The following EFCAB14 variants were observed in gnomAD, a reference collection of about 807,000 sequenced individuals.
EFCAB14 encodes EF-hand calcium-binding domain-containing protein 14.
A neutral mutation model predicts 56.5 loss-of-function variants in EFCAB14; 43 were observed. The observed-to-expected ratio is 0.76, with a 90% CI of 0.60 to 0.98. The LOEUF (loss-of-function observed/expected upper bound fraction) is 0.98. Ranked by LOEUF, EFCAB14 falls within the 50% of genes least tolerant of loss-of-function variation. The probability of loss-of-function intolerance (pLI) is 0.00; values close to 1 mark genes in which losing one functional copy is unlikely to be tolerated. For missense variants in EFCAB14, 538 were observed against 580.3 expected, an observed-to-expected ratio of 0.93 and a Z score of 0.75; for synonymous variants, 235 against 212.9, an observed-to-expected ratio of 1.10 and a Z score of -0.90.
chr1:46,680,964 T>C (rs141817397), intron 10 of EFCAB14, among the ~76,000 whole-genome samples: 2 of 151,618 alleles, frequency 1.3e-5, no homozygotes, highest in East Asian at 2.0e-4. Flanking sequence ...AGGTCAGTTA[T>C]ATACATAACT....
At chr1:46,684,703 C>T (rs1378436506) in intron 8 of EFCAB14, 101 bp from the exon 9 acceptor site, 7 of 892,862 alleles carry the variant, frequency 7.8e-6, no homozygotes, top group Non-Finnish European at 1.3e-5. Context: ...GTGTTTGACC[C>T]TCAGTAGGTT....
intron 2 of EFCAB14, among the ~76,000 whole-genome samples, chr1:46,714,199 T>C (rs1225671099): frequency 3.3e-5 from 5 of 152,194 alleles, no homozygotes; most frequent in Non-Finnish European, 7.3e-5. Context: ...TGCAATCTTC[T>C]AGGCTTCAGA....
intron 3 of EFCAB14, among the ~76,000 whole-genome samples, chr1:46,701,269 C>T (rs1245497996): frequency 1.3e-5 from 2 of 152,152 alleles, no homozygotes; most frequent in Non-Finnish European, 2.9e-5. Flanking sequence ...GTAACATGCC[C>T]AATCATAAAA....
intron 5 of EFCAB14, among the ~76,000 whole-genome samples, chr1:46,690,750 C>T (rs1469524233): frequency 6.6e-6 from 1 of 152,116 alleles, no homozygotes; most frequent in Admixed American, 6.5e-5. Context: ...ATGTTTTTTC[C>T]TCTGGGTTAG....
intron 4 of EFCAB14, among the ~76,000 whole-genome samples, chr1:46,693,141 G>A (rs1383200153): frequency 1.3e-5 from 2 of 152,162 alleles, no homozygotes; most frequent in Non-Finnish European, 2.9e-5. Context: ...GGCTTACTTT[G>A]CTTTCATTAG....
chr1:46,712,064 A>G (rs1022454435), intron 2 of EFCAB14, among the ~76,000 whole-genome samples: 1 of 152,252 alleles, frequency 6.6e-6, no homozygotes, highest in Non-Finnish European at 1.5e-5. Flanking sequence ...CCCAGAAAGA[A>G]TAAGTGACTT....
intron 3 of EFCAB14, among the ~76,000 whole-genome samples, chr1:46,697,840 CTT>C: frequency 7.2e-6 from 1 of 138,618 alleles, no homozygotes; most frequent in African/African-American, 2.6e-5. Context: ...GAATTTTTTC[CTT>C]TCTCTCTCTC....
At chr1:46,678,766 G>T in intron 10 of EFCAB14, 130 bp from the exon 11 acceptor site, 11 of 580,584 alleles carry the variant, frequency 1.9e-5, no homozygotes, top group Non-Finnish European at 2.0e-5. Context: ...AAATGGTAAA[G>T]TTTAGGATTT....
rs781478601 is a variant in EFCAB14, at chr1:46,708,768, G to T, written c.335-717C>A. 3.1e-4 allele frequency among the ~76,000 whole-genome samples: 47 copies of T among 152,186 alleles called. 1 individual carries two copies. The highest frequency in any genetic ancestry group is 5.9e-4 in the Non-Finnish European group (40 of 68,026). On this transcript the variant is annotated intron_variant, in intron 2 of 10. Transcript: ENST00000371933. ...AAAAGAATATGCTAGGTGAAGTATA[G>T]TATGATATTTGGCCTTTCTTTTGGG...
chr1:46,693,870 C>A (rs1322251079), intron 4 of EFCAB14, among the ~76,000 whole-genome samples: 1 of 151,990 alleles, frequency 6.6e-6, no homozygotes, highest in South Asian at 2.1e-4. Flanking sequence ...TTTTCTGGTA[C>A]CAAAACAGAG....
chr1:46,689,226 G>A (rs1461959819), intron 6 of EFCAB14, among the ~76,000 whole-genome samples: 2 of 152,042 alleles, frequency 1.3e-5, no homozygotes, highest in African/African-American at 4.8e-5. Flanking sequence ...AGAATTTACT[G>A]TGGCTCAAAA....
intron 10 of EFCAB14, among the ~76,000 whole-genome samples, chr1:46,682,553 A>G (rs1025063468): frequency 6.6e-6 from 1 of 151,734 alleles, no homozygotes; most frequent in Non-Finnish European, 1.5e-5. Flanking sequence ...TACTAATCTC[A>G]TGGTATTGTA....
intron 6 of EFCAB14, 27 bp downstream of exon 6, chr1:46,689,560 G>T: frequency 6.2e-7 from 1 of 1,608,818 alleles, no homozygotes; most frequent in South Asian, 1.1e-5. Flanking sequence ...TGTGGTCACA[G>T]GGAGTTAAGC....
At chr1:46,703,785 G>GTA (rs1171045657) in intron 3 of EFCAB14, among the ~76,000 whole-genome samples, 1 of 152,214 alleles carries the variant, frequency 6.6e-6, no homozygotes, top group Admixed American at 6.5e-5. Flanking sequence ...AAACTCAGCT[G>GTA]TATATATGCA....
intron 3 of EFCAB14, among the ~76,000 whole-genome samples, chr1:46,700,309 T>C (rs1312105168): frequency 3.9e-5 from 6 of 152,196 alleles, no homozygotes; most frequent in African/African-American, 9.7e-5. Context: ...AGTTCTTTAA[T>C]AGTGAAATTA....
Position 46,675,714 on chromosome 1 carries a change from G to A in EFCAB14, c.*2747C>T, listed in dbSNP as rs1048644392. ...GCATCATACACATTCCTGAGGGTCA[G>A]GCACCTCTGCCTTTTAGATGACACC... On this transcript the variant is annotated 3_prime_UTR_variant, in exon 11 of 11. Transcript: ENST00000371933. The A allele has an allele frequency of 2.6e-5, 4 of 152,192 alleles. No individual in the cohort carries two copies. The highest frequency in any genetic ancestry group is 3.9e-4 in the East Asian group (2 of 5,190). The allele number at this position is 152,192 out of a possible 1,614,324, so 9.4% of individuals were successfully genotyped here. A position where few individuals can be genotyped will look rare whatever the true frequency, so the allele number is the denominator to read the frequency against.
Position 46,718,089 on chromosome 1 carries a change from T to G in EFCAB14, c.-2A>C. 6.2e-7 allele frequency: 1 copy of G among 1,613,516 alleles called. No individual in the cohort carries two copies. The highest frequency in any genetic ancestry group is 8.5e-7 in the Non-Finnish European group (1 of 1,179,570). On this transcript the variant is annotated 5_prime_UTR_variant, in exon 1 of 11. Transcript: ENST00000371933. Reference sequence around the variant, plus strand: ...ATTGAGCTCTTTGCGCTTTTTCATCTTTTTGTGTGGGGTGAGTGGAGCCCC... The same window carrying G: ...ATTGAGCTCTTTGCGCTTTTTCATCGTTTTGTGTGGGGTGAGTGGAGCCCC...
At chr1:46,714,428 CT>C (rs1336723257) in intron 2 of EFCAB14, among the ~76,000 whole-genome samples, 2 of 131,178 alleles carry the variant, frequency 1.5e-5, no homozygotes, top group Admixed American at 8.0e-5. Flanking sequence ...TTCAGTGTTG[CT>C]AAAAAAAAAA....
intron 2 of EFCAB14, among the ~76,000 whole-genome samples, chr1:46,710,761 G>A (rs1482354789): frequency 6.6e-6 from 1 of 151,814 alleles, no homozygotes; most frequent in African/African-American, 2.4e-5. Context: ...ATGCTTCCCT[G>A]GGCTGGTCTC....
Sources: allele counts gnomAD v4.1 joint callset (sites outside exome capture counted in the v4.1 genomes callset), GRCh38; gene constraint gnomAD v4.1.1; transcripts MANE v1.5; gene names NCBI Gene and HGNC (gene_info 2026-07-23, HGNC 2026-07-21).